The following APOOL variants were observed in gnomAD, a reference collection of about 807,000 sequenced individuals.
APOOL encodes apolipoprotein O like.
APOOL carries 12 observed loss-of-function variants against 23.1 expected under a neutral mutation model. The observed-to-expected ratio is 0.52, with a 90% CI of 0.33 to 0.84. The LOEUF (loss-of-function observed/expected upper bound fraction) is 0.84, where lower values mean the gene tolerates loss of function less well. Ranked by LOEUF, APOOL falls within the 40% of genes least tolerant of loss-of-function variation. The pLI is 0.02. For missense variants in APOOL, 212 were observed against 199.6 expected (o/e 1.06, Z -0.37); for synonymous variants, 77 against 69.9 (o/e 1.10, Z -0.51).
chrX:85,031,626 A>G (rs902551126), intron 1 of APOOL, among the ~76,000 whole-genome samples: 8 of 110,781 alleles, frequency 7.2e-5, no homozygotes, highest in Non-Finnish European at 1.3e-4. Context: ...TTTTTTGAGT[A>G]CCTGCTGTGT....
At chrX:85,067,041 G>C (rs1456065821) in intron 5 of APOOL, 86 bp from the exon 6 acceptor site, 4 of 561,110 alleles carry the variant, frequency 7.1e-6, no homozygotes, top group Non-Finnish European at 1.1e-5. Flanking sequence ...GGCTTACCAG[G>C]AGAGCAAAGA....
At chrX:85,049,029 A>G (rs1922671504) in intron 2 of APOOL, among the ~76,000 whole-genome samples, 1 of 111,316 alleles carries the variant, frequency 9.0e-6, no homozygotes, top group African/African-American at 3.3e-5. Flanking sequence ...TCCCTCTATG[A>G]GATGAATTAT....
intron 1 of APOOL, among the ~76,000 whole-genome samples, chrX:85,011,107 C>A (rs1270167753): frequency 9.0e-6 from 1 of 111,612 alleles, no homozygotes; most frequent in Non-Finnish European, 1.9e-5. Flanking sequence ...TGATGTTAAG[C>A]ATTTTTTCAT....
intron 2 of APOOL, among the ~76,000 whole-genome samples, chrX:85,050,857 A>G (rs983883198): frequency 1.8e-5 from 2 of 110,732 alleles, no homozygotes; most frequent in East Asian, 2.8e-4. Flanking sequence ...CATTACCCTG[A>G]ATTTTTACTA....
intron 8 of APOOL, among the ~76,000 whole-genome samples, chrX:85,079,142 TGA>T (rs1375450028): frequency 1.8e-5 from 2 of 111,665 alleles, no homozygotes; most frequent in East Asian, 5.6e-4. Flanking sequence ...ATGGGAGTGG[TGA>T]GAGAGGGCAC....
At chrX:85,009,965 C>T (rs1444525813) in intron 1 of APOOL, among the ~76,000 whole-genome samples, 1 of 112,084 alleles carries the variant, frequency 8.9e-6, no homozygotes, top group Non-Finnish European at 1.9e-5. Flanking sequence ...CATGTTCATG[C>T]AAAAGACATG....
intron 8 of APOOL, among the ~76,000 whole-genome samples, chrX:85,086,998 C>T (rs1350556401): frequency 2.7e-5 from 3 of 111,271 alleles, no homozygotes; most frequent in South Asian, 7.6e-4. Context: ...CGCGCCCGGC[C>T]GAGTGATCTT....
chrX:85,038,338 A>AT (rs1396239540), intron 1 of APOOL, among the ~76,000 whole-genome samples: 5 of 109,848 alleles, frequency 4.6e-5, no homozygotes, highest in Non-Finnish European at 7.6e-5. Context: ...TTATCAGAGT[A>AT]TTGGCCAGAA....
At chrX:85,065,938 A>G (rs1923440368) in intron 5 of APOOL, among the ~76,000 whole-genome samples, 1 of 111,440 alleles carries the variant, frequency 9.0e-6, no homozygotes, top group African/African-American at 3.3e-5. Flanking sequence ...TCTAAAGAAA[A>G]GCTAAACTAG....
At chrX:85,051,589 A>G in intron 3 of APOOL, 81 bp downstream of exon 3, 1 of 1,112,038 alleles carries the variant, frequency 9.0e-7, no homozygotes, top group South Asian at 2.0e-5. Flanking sequence ...TAGAAAACTA[A>G]TCCAAAACTT....
chrX:85,059,140 T>A (rs1280937092), intron 5 of APOOL, among the ~76,000 whole-genome samples: 2 of 106,560 alleles, frequency 1.9e-5, no homozygotes, highest in Non-Finnish European at 3.9e-5. Context: ...TGGTTTTTTG[T>A]CCTTGTGATA....
chrX:85,008,530 A>G (rs1375527347), intron 1 of APOOL, among the ~76,000 whole-genome samples: 1 of 30,227 alleles, frequency 3.3e-5, no homozygotes, highest in African/African-American at 1.1e-4. Flanking sequence ...TTGAATGATA[A>G]CCCGTTGTGT....
rs1188896046 is a variant in APOOL, at chrX:85,077,596, G to A, written c.718+3205G>A. ...TGTACATGTGTGTTTATAGTAGCAT[G>A]ATTTATAATCCTTTGGGTATATACC... On this transcript the variant is annotated intron_variant, in intron 8 of 8. Transcript: ENST00000373173. Among the ~76,000 whole-genome samples, 6 of 111,588 alleles carry A rather than the reference G, an allele frequency of 5.4e-5. No individual in the cohort carries two copies. In the East Asian group the frequency reaches 1.7e-3, roughly 32 times the overall value.
intron 1 of APOOL, among the ~76,000 whole-genome samples, chrX:85,009,452 G>T (rs188472022): frequency 9.0e-6 from 1 of 111,476 alleles, no homozygotes; most frequent in African/African-American, 3.3e-5. Flanking sequence ...ATCACAAAAG[G>T]ATGTTGAATT....
chrX:85,086,180 A>C (rs1230586958), intron 8 of APOOL, among the ~76,000 whole-genome samples: 1 of 111,335 alleles, frequency 9.0e-6, no homozygotes, highest in Non-Finnish European at 1.9e-5. Context: ...GTAACCTTTG[A>C]CACAGGTTAA....
intron 8 of APOOL, among the ~76,000 whole-genome samples, chrX:85,079,151 G>A (rs766878026): frequency 1.2e-4 from 13 of 111,656 alleles, no homozygotes; most frequent in Non-Finnish European, 2.4e-4. Flanking sequence ...GTGAGAGAGG[G>A]CACCCCTGTC....
intron 1 of APOOL, among the ~76,000 whole-genome samples, chrX:85,026,025 C>G (rs1397478177): frequency 8.8e-6 from 1 of 113,441 alleles, no homozygotes; most frequent in African/African-American, 3.2e-5. Context: ...GGCTCCACCT[C>G]TGCAGTAGGC....
rs1924436566 is a variant in APOOL, at chrX:85,088,327, T to TTTTTG, written c.*653_*654insGTTTT. 1.3e-5 allele frequency: 1 copy of TTTTTG among 78,292 alleles called. No individual in the cohort carries two copies. Among genetic ancestry groups the TTTTTG allele is most frequent in the Non-Finnish European group, 2.4e-5 (1 of 42,052 alleles). 6.5% of individuals were successfully genotyped at this position (78,292 alleles called of 1,213,427 possible). On this transcript the variant is annotated 3_prime_UTR_variant, in exon 9 of 9. Coordinates refer to ENST00000373173, the MANE Select transcript of APOOL (RefSeq NM_198450.6). ...GTGTGTTTCCCTCTGTTTTTTTTTT[T>TTTTTG]TTTTTTTTTTTTTTTTTTCCCATTT...
intron 8 of APOOL, 96 bp from the exon 9 acceptor site, chrX:85,087,494 G>C (rs1045645132): frequency 8.4e-6 from 6 of 712,993 alleles, no homozygotes; most frequent in Non-Finnish European, 1.3e-5. Flanking sequence ...TGTGTCACTA[G>C]AGATTTTTAT....
Sources: gnomAD v4.1 joint callset for allele counts (sites outside exome capture counted in the v4.1 genomes callset) on GRCh38, gnomAD v4.1.1 for gene constraint, MANE v1.5 for transcripts, NCBI Gene and HGNC (gene_info 2026-07-23, HGNC 2026-07-21) for gene names.